The following ARHGAP29 variants were observed in gnomAD, a reference collection of about 807,000 sequenced individuals.
ARHGAP29 encodes Rho GTPase activating protein 29.
A neutral mutation model predicts 122.6 loss-of-function variants in ARHGAP29; 43 were observed. The observed-to-expected ratio is 0.35, with a 90% CI of 0.27 to 0.45. The LOEUF is 0.45. Ranked by LOEUF, ARHGAP29 falls within the 20% of genes least tolerant of loss-of-function variation. The pLI, the probability that ARHGAP29 is intolerant of heterozygous loss-of-function variation, is 1.00. For synonymous variants in ARHGAP29, 506 were observed against 497.1 expected (o/e 1.02, Z -0.24); for missense variants, 1,303 against 1,477.2 (o/e 0.88, Z 1.93).
the ARHGAP29 span, among the ~76,000 whole-genome samples, chr1:94,290,684 A>T: frequency 7.2e-5 from 11 of 152,198 alleles, no homozygotes; most frequent in African/African-American, 2.7e-4. Context: ...TCACTTACCC[A>T]GTAGTCATTC....
At chr1:94,200,544 T>C (rs1473615645) in intron 12 of ARHGAP29, among the ~76,000 whole-genome samples, 1 of 152,212 alleles carries the variant, frequency 6.6e-6, no homozygotes, top group Non-Finnish European at 1.5e-5. Flanking sequence ...CCACTCCTGG[T>C]ATTGACTTGA....
intron 12 of ARHGAP29, among the ~76,000 whole-genome samples, chr1:94,197,047 A>G (rs1650521828): frequency 6.6e-6 from 1 of 152,178 alleles, no homozygotes; most frequent in African/African-American, 2.4e-5. Flanking sequence ...AAAATTAAGA[A>G]AAAGAAAAAC....
the ARHGAP29 span, among the ~76,000 whole-genome samples, chr1:94,291,089 A>T: frequency 6.6e-6 from 1 of 152,272 alleles, no homozygotes; most frequent in South Asian, 2.1e-4. Context: ...TTGCTTTATG[A>T]ATCTGGGTGC....
the ARHGAP29 span, among the ~76,000 whole-genome samples, chr1:94,311,979 C>G: frequency 6.6e-6 from 1 of 152,310 alleles, no homozygotes; most frequent in East Asian, 1.9e-4. Context: ...ATCAGTTTCT[C>G]TCTTTCTACT....
In ARHGAP29 at chr1:94,174,241, T is replaced by C; in HGVS notation, c.3414A>G (p.Ala1138=). ...YAEPVRSVRE[A]SERRSSDSYP... ...AGGAATCTGAAGACCGTCTCTCAGA[T>C]GCCTCTCTCACTGACCTGACTGGCT... The change falls in exon 23 of 23, where the codon GCA becomes GCG. Residue 1138 remains alanine, a synonymous_variant. Transcript: ENST00000260526. 1 of 1,614,208 alleles carries C rather than the reference T, an allele frequency of 6.2e-7. No individual in the cohort carries two copies. The highest frequency in any genetic ancestry group is 1.3e-5 in the African/African-American group (1 of 75,056).
In ARHGAP29 at chr1:94,172,219, T is replaced by C. The variant is rs1385223356; in HGVS notation, c.*1650A>G. 1 of 152,158 alleles carries C rather than the reference T, an allele frequency of 6.6e-6. No individual in the cohort carries two copies. Among genetic ancestry groups the C allele is most frequent in the Non-Finnish European group, 1.5e-5 (1 of 68,034 alleles). The allele number at this position is 152,158 out of a possible 1,614,324, so 9.4% of individuals were successfully genotyped here. ...TATCTGTAACACAGAAATAATAACA[T>C]GCTTACCCACCCATTATAGGTTGCT... On this transcript the variant is annotated 3_prime_UTR_variant, in exon 23 of 23. Transcript: ENST00000260526.
the ARHGAP29 span, among the ~76,000 whole-genome samples, chr1:94,285,761 G>C: frequency 3.3e-5 from 5 of 151,392 alleles, no homozygotes; most frequent in Middle Eastern, 6.4e-3. Flanking sequence ...TGTAATCCCA[G>C]CTACTTGGGA....
At chr1:94,202,219 TAC>T (rs147292847) in intron 11 of ARHGAP29, 70 of 519,068 alleles carry the variant, frequency 1.3e-4, no homozygotes, top group Middle Eastern at 4.9e-4. Context: ...TTAGTACACA[TAC>T]ACACACACAC....
At chr1:94,272,402 G>C (rs1057174121) in intron 1 of ARHGAP29, among the ~76,000 whole-genome samples, 1 of 152,178 alleles carries the variant, frequency 6.6e-6, no homozygotes, top group Non-Finnish European at 1.5e-5. Context: ...TGAGGTGAAG[G>C]CTAGACTGTG....
chr1:94,174,899 A>T, intron 22 of ARHGAP29, 150 bp from the exon 23 acceptor site: 1 of 890,176 alleles, frequency 1.1e-6, no homozygotes, highest in African/African-American at 1.7e-5. Flanking sequence ...GAGGAGTTAA[A>T]CATTTGCACA....
chr1:94,277,542 T>C (rs1655233345), upstream of ARHGAP29, among the ~76,000 whole-genome samples: 1 of 152,184 alleles, frequency 6.6e-6, no homozygotes, highest in Non-Finnish European at 1.5e-5. Context: ...TGAAAGTTAC[T>C]TTTTGAAAGT....
intron 1 of ARHGAP29, chr1:94,247,754 C>T (rs1335413419): frequency 1.0e-5 from 6 of 578,308 alleles, no homozygotes; most frequent in Non-Finnish European, 1.3e-5. Context: ...GCTACCGCCA[C>T]GGCTGCGCCG....
chr1:94,292,977 C>T, the ARHGAP29 span, among the ~76,000 whole-genome samples: 6 of 152,158 alleles, frequency 3.9e-5, no homozygotes, highest in Admixed American at 2.6e-4. Flanking sequence ...CTGGGAAAAC[C>T]ACTGCTCTCT....
intron 1 of ARHGAP29, among the ~76,000 whole-genome samples, chr1:94,236,223 C>T (rs1653248364): frequency 1.3e-5 from 2 of 152,144 alleles, no homozygotes; most frequent in African/African-American, 4.8e-5. Flanking sequence ...TAAAGGAAGG[C>T]ATGCAATACA....
chr1:94,226,838 T>G (rs538149596), intron 2 of ARHGAP29, among the ~76,000 whole-genome samples: 5 of 152,136 alleles, frequency 3.3e-5, no homozygotes, highest in Non-Finnish European at 7.4e-5. Context: ...GAATAACTTC[T>G]AAAAAGATTT....
chr1:94,296,207 C>T, the ARHGAP29 span, among the ~76,000 whole-genome samples: 6 of 152,122 alleles, frequency 3.9e-5, no homozygotes, highest in South Asian at 2.1e-4. Context: ...CGGCCTGGGA[C>T]GTGAATCATC....
Sources: gnomAD v4.1 joint callset for allele counts (sites outside exome capture counted in the v4.1 genomes callset) on GRCh38, gnomAD v4.1.1 for gene constraint, MANE v1.5 for transcripts, NCBI Gene and HGNC (gene_info 2026-07-23, HGNC 2026-07-21) for gene names.